Variants in COX7B2 observed in about 807,000 individuals in gnomAD.
The protein encoded by COX7B2 is cytochrome c oxidase subunit 7B2, also known as cytochrome c oxidase subunit 7B2, mitochondrial.
For missense variants in COX7B2, 109 were observed against 95.9 expected, an observed-to-expected ratio of 1.14 and a Z score of -0.57; for synonymous variants, 37 against 32.1, an observed-to-expected ratio of 1.15 and a Z score of -0.51.
chr4:46,822,997 G>A (rs1160118398), intron 2 of COX7B2, among the ~76,000 whole-genome samples: 1 of 152,156 alleles, frequency 6.6e-6, no homozygotes, highest in African/African-American at 2.4e-5. Flanking sequence ...AGAGATGCCT[G>A]CATGGAGAAG....
At chr4:46,744,140 CCTT>C (rs962059254) in intron 2 of COX7B2, among the ~76,000 whole-genome samples, 1 of 151,680 alleles carries the variant, frequency 6.6e-6, no homozygotes, top group African/African-American at 2.4e-5. Flanking sequence ...GAAAATTGAC[CCTT>C]CTTGTTTTAA....
chr4:46,735,176 G>T lies in COX7B2; in HGVS notation c.17C>A (p.Ala6Asp), dbSNP rs200964160. The T allele has an allele frequency of 6.2e-7, 1 of 1,613,186 alleles. No homozygotes were observed. Among genetic ancestry groups the T allele is most frequent in the South Asian group, 1.1e-5 (1 of 90,866 alleles). Residue 6 changes from alanine (A) to aspartate (D), a missense_variant, in exon 3 of 3, where the codon GCC becomes GAC. By Grantham distance (126) the Ala-to-Asp change is moderately radical (BLOSUM62 -2). Coordinates refer to ENST00000355591, the MANE Select transcript of COX7B2 (RefSeq NM_130902.3). MMFPL[A>D]RNALSSLKIQ... Reference sequence around the variant, plus strand: ...CTTGAGACTGCTTAGTGCATTTCTGGCCAAGGGAAACATCATGAAGGATTG... The same window carrying T: ...CTTGAGACTGCTTAGTGCATTTCTGTCCAAGGGAAACATCATGAAGGATTG...
chr4:46,766,656 A>G (rs1716555982), intron 2 of COX7B2, among the ~76,000 whole-genome samples: 1 of 148,230 alleles, frequency 6.7e-6, no homozygotes, highest in South Asian at 2.2e-4. Context: ...AGTTGAGATT[A>G]TGCCACTGCA....
At chr4:46,807,130 C>G (rs566513268) in intron 2 of COX7B2, among the ~76,000 whole-genome samples, 1 of 151,890 alleles carries the variant, frequency 6.6e-6, no homozygotes, top group East Asian at 1.9e-4. Context: ...ATCGACAGTC[C>G]CACAGTGTAC....
At chr4:46,753,943 C>G (rs534220349) in intron 2 of COX7B2, among the ~76,000 whole-genome samples, 2 of 152,246 alleles carry the variant, frequency 1.3e-5, no homozygotes, top group Admixed American at 1.3e-4. Context: ...ATTTATGCAG[C>G]CAACAGACAC....
chr4:46,808,820 A>C (rs1415959590), intron 2 of COX7B2, among the ~76,000 whole-genome samples: 1 of 151,868 alleles, frequency 6.6e-6, no homozygotes, highest in East Asian at 1.9e-4. Flanking sequence ...TTATTCTGTT[A>C]ATGTGATGTA....
At chr4:46,822,275 C>G (rs927573855) in intron 2 of COX7B2, among the ~76,000 whole-genome samples, 11 of 151,922 alleles carry the variant, frequency 7.2e-5, no homozygotes, top group African/African-American at 2.4e-4. Flanking sequence ...CAAACATGAA[C>G]TAAATCACTT....
intron 1 of COX7B2, among the ~76,000 whole-genome samples, chr4:46,904,273 G>A (rs1339768228): frequency 6.6e-6 from 1 of 151,928 alleles, no homozygotes; most frequent in South Asian, 2.1e-4. Flanking sequence ...TGACACACTA[G>A]AGAAAAAATA....
At chr4:46,786,579 T>A (rs73139379) in intron 2 of COX7B2, among the ~76,000 whole-genome samples, 3,189 of 152,312 alleles carry the variant, frequency 0.021, 99 homozygotes, top group African/African-American at 0.072. Flanking sequence ...GACAAATACA[T>A]TTTTGAGAGG....
intron 2 of COX7B2, among the ~76,000 whole-genome samples, chr4:46,757,352 C>T (rs1427869877): frequency 1.3e-5 from 2 of 152,022 alleles, no homozygotes; most frequent in Non-Finnish European, 2.9e-5. Context: ...AAACTACCTA[C>T]TGGTTACAAT....
chr4:46,760,378 TA>T (rs1211467944), intron 2 of COX7B2, among the ~76,000 whole-genome samples: 1 of 152,118 alleles, frequency 6.6e-6, no homozygotes, highest in Non-Finnish European at 1.5e-5. Flanking sequence ...TATGCAGTCA[TA>T]AAAAAGGATG....
chr4:46,871,642 A>G (rs980083323), intron 1 of COX7B2, among the ~76,000 whole-genome samples: 17 of 152,006 alleles, frequency 1.1e-4, no homozygotes, highest in Non-Finnish European at 2.5e-4. Context: ...TTTACAAGAA[A>G]AAAAAAAAAC....
chr4:46,782,251 G>A (rs1419035365), intron 2 of COX7B2, among the ~76,000 whole-genome samples: 1 of 152,140 alleles, frequency 6.6e-6, no homozygotes, highest in Admixed American at 6.5e-5. Flanking sequence ...CTAATCTGGT[G>A]GGGACTTGGA....
intron 1 of COX7B2, among the ~76,000 whole-genome samples, chr4:46,855,805 C>T (rs1185160427): frequency 1.3e-5 from 2 of 151,926 alleles, no homozygotes; most frequent in Admixed American, 6.6e-5. Flanking sequence ...ATACATGAAA[C>T]GAGAGAAACA....
chr4:46,887,144 A>C (rs1378350534), intron 1 of COX7B2, among the ~76,000 whole-genome samples: 1 of 152,242 alleles, frequency 6.6e-6, no homozygotes, highest in Admixed American at 6.5e-5. Context: ...TCTCCTTCCT[A>C]ATCTTCCCAT....
At chr4:46,850,441 C>T (rs1304180653) in intron 1 of COX7B2, among the ~76,000 whole-genome samples, 1 of 151,888 alleles carries the variant, frequency 6.6e-6, no homozygotes, top group Admixed American at 6.6e-5. Context: ...AAGCAGACTG[C>T]TAAATGAACA....
At chr4:46,787,473 A>G (rs1007760180) in intron 2 of COX7B2, among the ~76,000 whole-genome samples, 3 of 152,024 alleles carry the variant, frequency 2.0e-5, no homozygotes, top group African/African-American at 7.2e-5. Context: ...AAAAAAAAAG[A>G]TACATGTGAC....
chr4:46,750,195 TACACACACAC>T lies in COX7B2; in HGVS notation c.-49-14964_-49-14955del, dbSNP rs58139781. Among the ~76,000 whole-genome samples the T allele has an allele frequency of 3.4e-3, 389 of 113,922 alleles. 2 individuals are homozygous for T. The highest frequency in any genetic ancestry group is 0.011 in the South Asian group (34 of 3,116). 74.7% of individuals were successfully genotyped at this position (113,922 alleles called of 152,430 possible). ...GGACAACACAATGAGATCCCATCTC[TACACACACAC>T]ACACACACACACACACACACACACA... On this transcript the variant is annotated intron_variant, in intron 2 of 2. Coordinates refer to ENST00000355591, the MANE Select transcript of COX7B2 (RefSeq NM_130902.3).
intron 2 of COX7B2, among the ~76,000 whole-genome samples, chr4:46,751,456 G>C (rs1715371932): frequency 6.6e-6 from 1 of 151,828 alleles, no homozygotes; most frequent in Admixed American, 6.6e-5. Context: ...TAGTTATCAT[G>C]TTCAGTTTAG....
Sources: gnomAD v4.1 joint callset for allele counts (sites outside exome capture counted in the v4.1 genomes callset) on GRCh38, gnomAD v4.1.1 for gene constraint, MANE v1.5 for transcripts, NCBI Gene and HGNC (gene_info 2026-07-23, HGNC 2026-07-21) for gene names.